The following HOMER1 variants were observed in gnomAD, a reference collection of about 807,000 sequenced individuals.
The protein encoded by HOMER1 is homer protein homolog 1.
HOMER1 carries 3 observed loss-of-function variants against 48.9 expected under a neutral mutation model. That is an observed-to-expected ratio of 0.06 (90% CI 0.03 to 0.16). The LOEUF is 0.16. HOMER1 is among the 10% of genes least tolerant of loss of function. The probability of loss-of-function intolerance (pLI) is 1.00; values close to 1 mark genes in which losing one functional copy is unlikely to be tolerated. For synonymous variants in HOMER1, 134 were observed against 146.4 expected, an observed-to-expected ratio of 0.92 and a Z score of 0.61; for missense variants, 247 against 411.4, an observed-to-expected ratio of 0.60 and a Z score of 3.46.
intron 5 of HOMER1, among the ~76,000 whole-genome samples, chr5:79,405,389 A>ATT (rs924993964): frequency 6.6e-6 from 1 of 152,206 alleles, no homozygotes; most frequent in East Asian, 1.9e-4. Flanking sequence ...CAACTCAAGC[A>ATT]AACTAATAAA....
At chr5:79,404,475 A>G (rs993099685) in intron 5 of HOMER1, among the ~76,000 whole-genome samples, 1 of 152,208 alleles carries the variant, frequency 6.6e-6, no homozygotes, top group African/African-American at 2.4e-5. Flanking sequence ...TAAATAGATC[A>G]GTCAAGATCT....
At chr5:79,408,676 T>G (rs1749733087) in intron 5 of HOMER1, among the ~76,000 whole-genome samples, 1 of 152,166 alleles carries the variant, frequency 6.6e-6, no homozygotes, top group Admixed American at 6.5e-5. Context: ...CTTTGTGACC[T>G]TGGGCTAGGC....
intron 8 of HOMER1, among the ~76,000 whole-genome samples, chr5:79,392,804 T>C (rs1037506628): frequency 1.8e-4 from 28 of 152,242 alleles, no homozygotes; most frequent in African/African-American, 6.7e-4. Flanking sequence ...AGTGTACAAT[T>C]TTTACCTTTT....
intron 8 of HOMER1, 69 bp downstream of exon 8, chr5:79,396,754 A>C: frequency 1.2e-6 from 1 of 825,700 alleles, no homozygotes; most frequent in Non-Finnish European, 1.9e-6. Flanking sequence ...TCAGAAAAAA[A>C]GTCAGTGCTA....
At chr5:79,501,635 A>C (rs2112374261) in intron 1 of HOMER1, among the ~76,000 whole-genome samples, 1 of 152,226 alleles carries the variant, frequency 6.6e-6, no homozygotes, top group East Asian at 1.9e-4. Context: ...AGTCGTTGTA[A>C]ACTACTATAA....
chr5:79,426,298 T>G (rs918675271), intron 5 of HOMER1, among the ~76,000 whole-genome samples: 4 of 151,998 alleles, frequency 2.6e-5, no homozygotes, highest in African/African-American at 9.7e-5. Context: ...AATCAGTATA[T>G]CAAAAAGATA....
chr5:79,390,961 G>T (rs1460245717), intron 8 of HOMER1, among the ~76,000 whole-genome samples: 1 of 151,420 alleles, frequency 6.6e-6, no homozygotes, highest in African/African-American at 2.4e-5. Context: ...CCTACAGCCT[G>T]AAACACATAT....
chr5:79,474,419 T>G (rs926501075), intron 1 of HOMER1, among the ~76,000 whole-genome samples: 3 of 152,072 alleles, frequency 2.0e-5, no homozygotes, highest in African/African-American at 7.2e-5. Context: ...AGCAAATTTC[T>G]GATTATCTCA....
chr5:79,451,172 A>T, intron 2 of HOMER1, 51 bp from the exon 3 acceptor site: 1 of 1,593,796 alleles, frequency 6.3e-7, no homozygotes, highest in Non-Finnish European at 8.6e-7. Flanking sequence ...GCAAACAGGC[A>T]TTTAAATACA....
intron 5 of HOMER1, among the ~76,000 whole-genome samples, chr5:79,406,059 C>T (rs1452273266): frequency 3.3e-5 from 5 of 152,056 alleles, no homozygotes; most frequent in African/African-American, 4.8e-5. Context: ...CTTGTTTTGG[C>T]GTAATTTACA....
chr5:79,415,681 G>A (rs1749925428), intron 5 of HOMER1, among the ~76,000 whole-genome samples: 1 of 152,130 alleles, frequency 6.6e-6, no homozygotes, highest in Non-Finnish European at 1.5e-5. Context: ...AAACACTATT[G>A]ACTTTTCTGA....
chr5:79,501,770 C>G (rs932031856), intron 1 of HOMER1, among the ~76,000 whole-genome samples: 1 of 152,112 alleles, frequency 6.6e-6, no homozygotes. Context: ...CATGTCAAAG[C>G]TATATTACCT....
rs150207273 is a variant in HOMER1, at chr5:79,474,791, C to G, written c.6-17773G>C. 2.3e-3 allele frequency among the ~76,000 whole-genome samples: 352 copies of G among 152,166 alleles called. 1 individual carries two copies. The highest frequency in any genetic ancestry group is 4.7e-3 in the Admixed American group (71 of 15,268). ...CTGCAGAAACTGAAAGGTTACAGAT[C>G]TAGTATAATGAAAACTGAATAGCTT... is the stretch of plus-strand genomic sequence containing the variant. On this transcript the variant is annotated intron_variant, in intron 1 of 8. Transcript: ENST00000334082.
At chr5:79,384,448 A>C (rs1749058139) in intron 8 of HOMER1, among the ~76,000 whole-genome samples, 2 of 152,174 alleles carry the variant, frequency 1.3e-5, no homozygotes, top group African/African-American at 4.8e-5. Context: ...CAAGATTTGA[A>C]TCAGAAATAA....
At chr5:79,476,855 G>T (rs1054115664) in intron 1 of HOMER1, among the ~76,000 whole-genome samples, 1 of 152,082 alleles carries the variant, frequency 6.6e-6, no homozygotes, top group Admixed American at 6.5e-5. Flanking sequence ...GGACAAAAAA[G>T]GTATAATTTA....
Position 79,375,970 on chromosome 5 carries a change from T to G in HOMER1, c.*39A>C. The G allele has an allele frequency of 2.3e-6, 3 of 1,319,114 alleles. No homozygotes were observed. Among genetic ancestry groups the G allele is most frequent in the Non-Finnish European group, 2.1e-6 (2 of 940,822 alleles). 81.7% of individuals were successfully genotyped at this position (1,319,114 alleles called of 1,614,324 possible). On this transcript the variant is annotated 3_prime_UTR_variant, in exon 9 of 9. Coordinates refer to ENST00000334082, the MANE Select transcript of HOMER1 (RefSeq NM_004272.5). ...TAAACAGTCCTATGAAGAGAGACAG[T>G]GTATCTTTTAATTAATTGGCACTGA...
At chr5:79,485,098 A>AAAAC (rs1752061801) in intron 1 of HOMER1, among the ~76,000 whole-genome samples, 1 of 152,072 alleles carries the variant, frequency 6.6e-6, no homozygotes, top group South Asian at 2.1e-4. Context: ...AAAACAAAAC[A>AAAAC]AAACAAAACA....
chr5:79,388,600 T>C (rs529506805), intron 8 of HOMER1, among the ~76,000 whole-genome samples: 35 of 151,980 alleles, frequency 2.3e-4, no homozygotes, highest in Non-Finnish European at 4.4e-4. Context: ...GAATTATATA[T>C]TGAAAAACTT....
At chr5:79,393,987 T>G (rs1400962611) in intron 8 of HOMER1, among the ~76,000 whole-genome samples, 2 of 152,228 alleles carry the variant, frequency 1.3e-5, no homozygotes, top group African/African-American at 4.8e-5. Context: ...GATTATGATT[T>G]TTTTAATATT....
Sources: gnomAD v4.1 joint callset for allele counts (sites outside exome capture counted in the v4.1 genomes callset) on GRCh38, gnomAD v4.1.1 for gene constraint, MANE v1.5 for transcripts, NCBI Gene and HGNC (gene_info 2026-07-23, HGNC 2026-07-21) for gene names.